RNLS: variants seen among roughly 807,000 people sequenced by gnomAD.
The protein encoded by RNLS is renalase.
In RNLS, 39 loss-of-function variants were observed where a neutral mutation model predicts 39.8. The ratio of observed to expected loss-of-function variants is 0.98; its 90% CI spans 0.76 to 1.28. RNLS has a LOEUF of 1.28. Among genes scored for constraint, RNLS ranks in the 50% most tolerant of loss-of-function variants. The pLI, the probability that RNLS is intolerant of heterozygous loss-of-function variation, is 0.00. For synonymous variants in RNLS, 147 were observed against 150.7 expected (o/e 0.98, Z 0.18); for missense variants, 410 against 413.3 (o/e 0.99, Z 0.07).
the RNLS span, among the ~76,000 whole-genome samples, chr10:88,234,808 A>T: frequency 6.6e-6 from 1 of 152,332 alleles, no homozygotes; most frequent in Admixed American, 6.5e-5. Flanking sequence ...GATGCTCAAG[A>T]CAGCAAGAAA....
At chr10:88,382,360 T>TAAAC (rs1406789886) in intron 4 of RNLS, among the ~76,000 whole-genome samples, 1 of 152,108 alleles carries the variant, frequency 6.6e-6, no homozygotes, top group South Asian at 2.1e-4. Context: ...ATTTCTAGGT[T>TAAAC]AAACACTCAT....
chr10:88,395,813 C>T (rs760398640), intron 4 of RNLS, among the ~76,000 whole-genome samples: 3 of 151,948 alleles, frequency 2.0e-5, no homozygotes, highest in African/African-American at 7.3e-5. Flanking sequence ...CACTGAAATA[C>T]AAAGACAAAG....
At chr10:88,581,067 C>G (rs189478046) in intron 3 of RNLS, among the ~76,000 whole-genome samples, 2 of 152,036 alleles carry the variant, frequency 1.3e-5, no homozygotes, top group East Asian at 3.9e-4. Flanking sequence ...CAACCCCATA[C>G]AGCCTAAATA....
the RNLS span, among the ~76,000 whole-genome samples, chr10:88,251,696 G>C: frequency 6.6e-6 from 1 of 152,164 alleles, no homozygotes; most frequent in African/African-American, 2.4e-5. Context: ...ACGTATCTGT[G>C]GAAACACACA....
chr10:88,433,306 G>A lies in RNLS; in HGVS notation c.527-70581C>T, dbSNP rs72820033. Among the ~76,000 whole-genome samples, 610 of 152,066 alleles carry A rather than the reference G, an allele frequency of 4.0e-3. 4 individuals are homozygous for A. Among genetic ancestry groups the A allele is most frequent in the Non-Finnish European group, 7.0e-3 (477 of 67,932 alleles). On this transcript the variant is annotated intron_variant, in intron 4 of 6. Coordinates refer to ENST00000331772, the MANE Select transcript of RNLS (RefSeq NM_001031709.3). ...TCCAGTAGTCCAGAGTTGTTCTTCT[G>A]AGCATTGCTAGGGAAGCAAGGCAGT...
intron 4 of RNLS, among the ~76,000 whole-genome samples, chr10:88,426,685 G>C (rs1349392814): frequency 6.6e-6 from 1 of 151,960 alleles, no homozygotes; most frequent in African/African-American, 2.4e-5. Flanking sequence ...CCATGAGACA[G>C]GTACTATTAT....
intron 5 of RNLS, among the ~76,000 whole-genome samples, chr10:88,339,969 C>A (rs1404789456): frequency 1.3e-5 from 2 of 152,132 alleles, no homozygotes; most frequent in African/African-American, 4.8e-5. Context: ...GCTCAAGACT[C>A]ATATGCATTT....
At chr10:88,501,410 C>A (rs1845476799) in intron 4 of RNLS, among the ~76,000 whole-genome samples, 1 of 152,108 alleles carries the variant, frequency 6.6e-6, no homozygotes, top group Non-Finnish European at 1.5e-5. Flanking sequence ...CCTTCCACAG[C>A]AATGCAAAGA....
At chr10:88,261,283 T>C in the RNLS span, among the ~76,000 whole-genome samples, 2 of 152,200 alleles carry the variant, frequency 1.3e-5, no homozygotes, top group Non-Finnish European at 2.9e-5. Context: ...TCAATTCATT[T>C]ATAAAAAGAG....
At chr10:88,381,331 A>G (rs1333745971) in intron 4 of RNLS, among the ~76,000 whole-genome samples, 1 of 152,138 alleles carries the variant, frequency 6.6e-6, no homozygotes, top group Non-Finnish European at 1.5e-5. Context: ...AGTTTTCTTC[A>G]TCTACTCACG....
intron 4 of RNLS, among the ~76,000 whole-genome samples, chr10:88,437,401 A>G (rs1841471849): frequency 6.6e-6 from 1 of 152,236 alleles, no homozygotes; most frequent in South Asian, 2.1e-4. Flanking sequence ...TTTATGGTAC[A>G]ATTTATTTTA....
chr10:88,322,634 T>C (rs1203210320), intron 5 of RNLS, among the ~76,000 whole-genome samples: 3 of 152,226 alleles, frequency 2.0e-5, no homozygotes, highest in Non-Finnish European at 2.9e-5. Context: ...GAACTGTTAG[T>C]CAATTAAACT....
At chr10:88,229,759 CATATA>C in the RNLS span, among the ~76,000 whole-genome samples, 1 of 152,208 alleles carries the variant, frequency 6.6e-6, no homozygotes. Context: ...TAAACAGACT[CATATA>C]ATATGTGGCC....
chr10:88,349,186 G>T (rs138984985), intron 5 of RNLS, among the ~76,000 whole-genome samples: 27 of 152,248 alleles, frequency 1.8e-4, no homozygotes, highest in African/African-American at 6.3e-4. Context: ...CACTTCCACA[G>T]CAGTATATTC....
At chr10:88,229,802 A>G in the RNLS span, among the ~76,000 whole-genome samples, 9 of 152,128 alleles carry the variant, frequency 5.9e-5, no homozygotes, top group African/African-American at 2.2e-4. Flanking sequence ...TTCATTTAGC[A>G]TACTCTTTTG....
chr10:88,333,349 T>C (rs1012175887), intron 5 of RNLS, among the ~76,000 whole-genome samples: 1 of 152,138 alleles, frequency 6.6e-6, no homozygotes, highest in Non-Finnish European at 1.5e-5. Flanking sequence ...AGTGAAAAAA[T>C]AAAAGTACTG....
chr10:88,266,488 T>A, the RNLS span, among the ~76,000 whole-genome samples: 29 of 152,274 alleles, frequency 1.9e-4, no homozygotes, highest in African/African-American at 7.0e-4. Flanking sequence ...CCCAGCAGTC[T>A]CAGTATACTT....
chr10:88,227,955 C>A, the RNLS span, among the ~76,000 whole-genome samples: 1 of 152,166 alleles, frequency 6.6e-6, no homozygotes, highest in Non-Finnish European at 1.5e-5. Context: ...GCTTCCTCAA[C>A]TTCCCTCTCC....
intron 6 of RNLS, among the ~76,000 whole-genome samples, chr10:88,297,561 C>T (rs977769101): frequency 1.3e-5 from 2 of 152,282 alleles, no homozygotes; most frequent in South Asian, 2.1e-4. Context: ...TTTGCCTATA[C>T]TGCATGTTTC....
Sources: allele counts gnomAD v4.1 joint callset (sites outside exome capture counted in the v4.1 genomes callset), GRCh38; gene constraint gnomAD v4.1.1; transcripts MANE v1.5; gene names NCBI Gene and HGNC (gene_info 2026-07-23, HGNC 2026-07-21).